Variants in EYS observed in about 807,000 individuals in gnomAD.
EYS encodes the protein EGF-like photoreceptor maintenance factor, also known as protein eyes shut homolog.
EYS carries 250 observed loss-of-function variants against 282.1 expected under a neutral mutation model. That is an observed-to-expected ratio of 0.89 (90% confidence interval 0.80 to 0.98). The LOEUF (loss-of-function observed/expected upper bound fraction) is 0.98, where lower values mean the gene tolerates loss of function less well. Among genes scored for constraint, EYS ranks in the 50% least tolerant of loss-of-function variants. The pLI, the probability that EYS is intolerant of heterozygous loss-of-function variation, is 0.00. For missense variants in EYS, 4,016 were observed against 3,709.0 expected (o/e 1.08, Z -2.15); for synonymous variants, 1,355 against 1,282.9 (o/e 1.06, Z -1.20).
At position 63,800,703 on chromosome 6, in the gene EYS, G is replaced by T. The variant is rs979845700; in HGVS notation, c.7411+5487C>A. Among the ~76,000 whole-genome samples the T allele has an allele frequency of 1.1e-4, 17 of 152,204 alleles. 1 individual carries two copies. Among genetic ancestry groups the T allele is most frequent in the African/African-American group, 4.1e-4 (17 of 41,448 alleles). On this transcript the variant is annotated intron_variant, in intron 37 of 42. Transcript: ENST00000503581. ...GCCTGTAATCCCAGCTACTCAGAAGGCTGAGGCAGGAGAATCACTTGAACC... is the reference window on the plus strand; with the variant it reads ...GCCTGTAATCCCAGCTACTCAGAAGTCTGAGGCAGGAGAATCACTTGAACC...
At chr6:65,580,537 A>G (rs533736235) in intron 2 of EYS, among the ~76,000 whole-genome samples, 45 of 152,256 alleles carry the variant, frequency 3.0e-4, no homozygotes, top group African/African-American at 9.9e-4. Flanking sequence ...TGCTTAAAAT[A>G]TAACTAATCA....
chr6:64,302,353 C>A (rs1471651529), intron 30 of EYS, among the ~76,000 whole-genome samples: 1 of 152,156 alleles, frequency 6.6e-6, no homozygotes, highest in Admixed American at 6.5e-5. Context: ...GGGTTCTAGT[C>A]CTCTAATCAG....
intron 16 of EYS, among the ~76,000 whole-genome samples, chr6:64,905,314 T>C (rs1767789045): frequency 6.6e-6 from 1 of 152,230 alleles, no homozygotes; most frequent in Admixed American, 6.5e-5. Flanking sequence ...TTGTTTTGAA[T>C]ATATGAAGTT....
intron 24 of EYS, among the ~76,000 whole-genome samples, chr6:64,602,838 G>A (rs1486256474): frequency 1.3e-5 from 2 of 151,922 alleles, no homozygotes; most frequent in Non-Finnish European, 2.9e-5. Flanking sequence ...TTTAGCAATT[G>A]GAAAACAAAG....
At chr6:65,295,732 T>C (rs1401186468) in intron 12 of EYS, 131 bp downstream of exon 12, 6 of 853,186 alleles carry the variant, frequency 7.0e-6, no homozygotes, top group Non-Finnish European at 8.9e-6. Context: ...TTTTTTACTT[T>C]GCCAAATAAG....
chr6:64,111,047 A>G (rs1005150120), intron 31 of EYS, among the ~76,000 whole-genome samples: 10 of 152,052 alleles, frequency 6.6e-5, no homozygotes, highest in African/African-American at 2.4e-4. Flanking sequence ...GGACTAGAGG[A>G]GTTTAAATGC....
At chr6:65,020,929 T>A (rs1772235808) in intron 13 of EYS, among the ~76,000 whole-genome samples, 2 of 152,100 alleles carry the variant, frequency 1.3e-5, no homozygotes, top group Non-Finnish European at 2.9e-5. Flanking sequence ...ATTTCCCTTT[T>A]TTAGCTATGG....
intron 2 of EYS, among the ~76,000 whole-genome samples, chr6:65,614,668 T>C (rs1266799297): frequency 6.6e-6 from 1 of 152,100 alleles, no homozygotes; most frequent in Non-Finnish European, 1.5e-5. Flanking sequence ...AAAACATTTA[T>C]ATTATTAGAT....
chr6:65,143,824 T>C (rs1244265017), intron 12 of EYS, among the ~76,000 whole-genome samples: 1 of 152,122 alleles, frequency 6.6e-6, no homozygotes, highest in Non-Finnish European at 1.5e-5. Context: ...TTTATTCTTA[T>C]TGCTATCATC....
intron 2 of EYS, among the ~76,000 whole-genome samples, chr6:65,579,306 A>C (rs1280082417): frequency 1.3e-5 from 2 of 152,158 alleles, no homozygotes; most frequent in East Asian, 3.9e-4. Context: ...TTGAAATACA[A>C]GGATTTCCAA....
chr6:65,051,239 G>T (rs769219816), intron 13 of EYS, among the ~76,000 whole-genome samples: 12 of 151,350 alleles, frequency 7.9e-5, no homozygotes, highest in Non-Finnish European at 1.3e-4. Flanking sequence ...ATCAATATAT[G>T]ACAGAAATAT....
rs141828716 is a variant in EYS at position 63,914,919 on chromosome 6, C to T, written c.7056-50561G>A. 9.7e-3 allele frequency among the ~76,000 whole-genome samples: 1,475 copies of T among 152,176 alleles called. 26 individuals are homozygous for T. The highest frequency in any genetic ancestry group is 0.033 in the African/African-American group (1,368 of 41,516). On this transcript the variant is annotated intron_variant, in intron 35 of 42. Transcript: ENST00000503581. ...AGTTTGAAGCTAGCAGAGGTTGGTT[C>T]ATGAGGTTTAAAGAAAGAGCCATCT... is the stretch of plus-strand genomic sequence containing the variant.
intron 26 of EYS, among the ~76,000 whole-genome samples, chr6:64,442,742 T>C (rs969496285): frequency 1.3e-5 from 2 of 152,166 alleles, no homozygotes; most frequent in African/African-American, 4.8e-5. Context: ...GAAGCTTCCA[T>C]GTGGTGTTGA....
At chr6:64,248,014 G>A (rs1249522187) in intron 30 of EYS, among the ~76,000 whole-genome samples, 3 of 152,152 alleles carry the variant, frequency 2.0e-5, no homozygotes, top group Non-Finnish European at 2.9e-5. Context: ...TCAAGAGGCC[G>A]AGTCCTAAAA....
intron 26 of EYS, among the ~76,000 whole-genome samples, chr6:64,536,298 A>G (rs1764516811): frequency 6.6e-6 from 1 of 152,160 alleles, no homozygotes; most frequent in South Asian, 2.1e-4. Context: ...AACAAATGGA[A>G]CAAAAGGGGA....
chr6:64,543,856 G>C (rs1764762354), intron 26 of EYS, among the ~76,000 whole-genome samples: 1 of 152,144 alleles, frequency 6.6e-6, no homozygotes, highest in South Asian at 2.1e-4. Flanking sequence ...CTAAAGTCTA[G>C]AGAGGCTAAG....
chr6:64,756,654 T>C (rs547030544), intron 22 of EYS, among the ~76,000 whole-genome samples: 18 of 152,310 alleles, frequency 1.2e-4, no homozygotes, highest in African/African-American at 4.1e-4. Flanking sequence ...CTTATTAAAA[T>C]TGGAGCGTTA....
intron 9 of EYS, 52 bp downstream of exon 9, chr6:65,353,406 C>A: frequency 1.9e-6 from 3 of 1,541,198 alleles, no homozygotes; most frequent in East Asian, 2.3e-5. Context: ...ACGTGACTAG[C>A]AAATTTTGAA....
intron 5 of EYS, among the ~76,000 whole-genome samples, chr6:65,433,578 G>T (rs1399389020): frequency 6.6e-6 from 1 of 152,134 alleles, no homozygotes; most frequent in East Asian, 1.9e-4. Flanking sequence ...ACCCAGCCAA[G>T]TTTAGTGGCT....
Sources: gnomAD v4.1 joint callset for allele counts (sites outside exome capture counted in the v4.1 genomes callset) on GRCh38, gnomAD v4.1.1 for gene constraint, MANE v1.5 for transcripts, NCBI Gene and HGNC (gene_info 2026-07-23, HGNC 2026-07-21) for gene names.